MTOR: variants seen among roughly 807,000 people sequenced by gnomAD.
MTOR encodes the protein mechanistic target of rapamycin kinase.
MTOR carries 70 observed loss-of-function variants against 319.8 expected under a neutral mutation model. The ratio of observed to expected loss-of-function variants is 0.22; its 90% CI spans 0.18 to 0.27. The LOEUF is 0.27. Among genes scored for constraint, MTOR ranks in the 10% least tolerant of loss-of-function variants. MTOR has a pLI of 1.00. For missense variants in MTOR, 1,890 were observed against 3,274.4 expected (o/e 0.58, Z 10.32); for synonymous variants, 1,183 against 1,211.4 (o/e 0.98, Z 0.49).
chr1:11,134,256 A>G, intron 37 of MTOR, 95 bp downstream of exon 37: 1 of 1,042,736 alleles, frequency 9.6e-7, no homozygotes, highest in East Asian at 2.4e-5. Context: ...GTCAGCAATC[A>G]GCCACCCAAG....
chr1:11,150,924 C>T (rs117893362), intron 30 of MTOR, among the ~76,000 whole-genome samples: 1,717 of 152,292 alleles, frequency 0.011, 67 homozygotes, highest in South Asian at 0.066. Context: ...AAAATAAACT[C>T]GGCTATTATG....
At chr1:11,213,671 T>C in intron 20 of MTOR, 105 bp from the exon 21 acceptor site, 1 of 1,099,758 alleles carries the variant, frequency 9.1e-7, no homozygotes, top group South Asian at 1.5e-5. Context: ...GTGAGCATGG[T>C]CTGCGCCGAG....
At position 11,258,002 on chromosome 1, in the gene MTOR, C is replaced by A. The variant is rs191040645; in HGVS notation, c.271+483G>T. On this transcript the variant is annotated intron_variant, in intron 3 of 57. Coordinates refer to ENST00000361445, the MANE Select transcript of MTOR (RefSeq NM_004958.4). Reference sequence around the variant, plus strand: ...GCAGGTGCCTGTAATCCCAGCTACTCGGGAGGCTGAGGCACGAGAATCGCT... The same window carrying A: ...GCAGGTGCCTGTAATCCCAGCTACTAGGGAGGCTGAGGCACGAGAATCGCT... 9.2e-3 allele frequency among the ~76,000 whole-genome samples: 1,389 copies of A among 150,674 alleles called. 31 individuals are homozygous for A. The highest frequency in any genetic ancestry group is 0.032 in the African/African-American group (1,322 of 41,034).
At chr1:11,248,225 C>T in intron 6 of MTOR, 131 bp from the exon 7 acceptor site, 1 of 952,382 alleles carries the variant, frequency 1.0e-6, no homozygotes, top group Non-Finnish European at 1.6e-6. Flanking sequence ...AGGGTGGCCA[C>T]TCTTCATGTT....
Position 11,257,845 on chromosome 1 carries a change from C to T in MTOR, c.271+640G>A, listed in dbSNP as rs962704598. 3.3e-5 allele frequency among the ~76,000 whole-genome samples: 5 copies of T among 152,246 alleles called. No individual in the cohort carries two copies. In the East Asian group the frequency reaches 9.7e-4, roughly 29 times the overall value. ...ACCTGCCTGGCCAGTTGTGGTGGCT[C>T]ACACCTGTAATCCCAGCACTCTGGG... On this transcript the variant is annotated intron_variant, in intron 3 of 57. Coordinates refer to ENST00000361445, the MANE Select transcript of MTOR (RefSeq NM_004958.4).
chr1:11,126,495 G>T, intron 46 of MTOR, 127 bp downstream of exon 46: 1 of 1,089,174 alleles, frequency 9.2e-7, no homozygotes, highest in Non-Finnish European at 1.3e-6. Flanking sequence ...CTCTCAATGA[G>T]CATGGGAGAG....
chr1:11,247,036 A>T (rs1033705615), intron 8 of MTOR, among the ~76,000 whole-genome samples: 1 of 152,192 alleles, frequency 6.6e-6, no homozygotes, highest in African/African-American at 2.4e-5. Flanking sequence ...TAGGTCAAAT[A>T]ATCTGTCCAA....
At position 11,199,473 on chromosome 1, in the gene MTOR, G is replaced by A. The variant is rs1645892636; in HGVS notation, c.4107+68C>T. 6.2e-7 allele frequency: 1 copy of A among 1,613,288 alleles called. No homozygotes were observed. The highest frequency in any genetic ancestry group is 1.1e-5 in the South Asian group (1 of 91,076). ...GGCACAAACAAGAGAAGGCTGTGTG[G>A]ATGCTTCTCTCCTCCCACCAGCTGG... On this transcript the variant is annotated intron_variant, in intron 27 of 57. Coordinates refer to ENST00000361445, the MANE Select transcript of MTOR (RefSeq NM_004958.4). This position sits in a 1 kb window ranked among gnomAD's most constrained non-coding sequence, Gnocchi z 4.5.
chr1:11,131,948 TCA>T (rs1643182781), intron 38 of MTOR: 1 of 152,248 alleles, frequency 6.6e-6, no homozygotes, highest in Non-Finnish European at 1.5e-5. Flanking sequence ...GACCCAGGTT[TCA>T]GTTTTCCCAT....
chr1:11,220,886 G>A (rs947389227), intron 19 of MTOR, among the ~76,000 whole-genome samples: 2 of 152,054 alleles, frequency 1.3e-5, no homozygotes, highest in Non-Finnish European at 2.9e-5. Context: ...AAGGAAGGAA[G>A]AAAACGAGGT....
In MTOR at chr1:11,253,888, G is replaced by C. The variant is rs1008735152; in HGVS notation, c.791C>G (p.Ala264Gly). The change falls in exon 6 of 58, where the codon GCC (alanine) becomes GGC (glycine). Residue 264 changes from alanine to glycine, a missense_variant. Physicochemically the swap from Ala to Gly is moderately conservative, Grantham distance 60. This residue lies in a region of MTOR where 418 missense variants were observed against 543.1 expected (regional missense o/e 0.77). Coordinates refer to ENST00000361445, the MANE Select transcript of MTOR (RefSeq NM_004958.4). The part of the protein sequence containing the change: ...GMNRDDRIHG[A>G]LLILNELVRI... Reference sequence around the variant, plus strand: ...GACCAGCTCGTTAAGGATCAACAAGGCTCCATGGATCCGATCATCCCGATT... The same window carrying C: ...GACCAGCTCGTTAAGGATCAACAAGCCTCCATGGATCCGATCATCCCGATT... 1 of 1,613,916 alleles carries C rather than the reference G, an allele frequency of 6.2e-7. No individual in the cohort carries two copies. Among genetic ancestry groups the C allele is most frequent in the African/African-American group, 1.3e-5 (1 of 74,876 alleles).
intron 26 of MTOR, among the ~76,000 whole-genome samples, chr1:11,203,368 C>T (rs61047802): frequency 0.059 from 9,011 of 152,156 alleles, 377 homozygotes; most frequent in South Asian, 0.12. Context: ...AATATATGTA[C>T]ATCTATTATG....
intron 6 of MTOR, among the ~76,000 whole-genome samples, chr1:11,252,529 A>G (rs1474278623): frequency 6.6e-6 from 1 of 152,160 alleles, no homozygotes; most frequent in African/African-American, 2.4e-5. Context: ...CAAGAGCCCA[A>G]TGAGGTAGGT....
chr1:11,251,949 C>T (rs1248507765), intron 6 of MTOR, among the ~76,000 whole-genome samples: 2 of 152,104 alleles, frequency 1.3e-5, no homozygotes, highest in Non-Finnish European at 1.5e-5. Context: ...TTATGTTAAA[C>T]TCAGGAGGTA....
At chr1:11,262,052 C>T (rs752388713) in intron 1 of MTOR, among the ~76,000 whole-genome samples, 6 of 152,162 alleles carry the variant, frequency 3.9e-5, no homozygotes, top group Admixed American at 6.5e-5. Context: ...GGGACTGGAT[C>T]TCTGAGAGGT....
chr1:11,118,513 G>A (rs910938748), intron 49 of MTOR, among the ~76,000 whole-genome samples: 5 of 151,254 alleles, frequency 3.3e-5, no homozygotes, highest in African/African-American at 1.2e-4. Context: ...GGGATTACAG[G>A]CGTGAACCAC....
chr1:11,185,682 T>G (rs941119555), intron 28 of MTOR, among the ~76,000 whole-genome samples: 9 of 152,174 alleles, frequency 5.9e-5, no homozygotes, highest in Middle Eastern at 3.4e-3. Context: ...CAGGACACAT[T>G]CTTTGATAGA....
chr1:11,130,831 C>A (rs1643112381), intron 38 of MTOR, 54 bp from the exon 39 acceptor site: 1 of 1,531,224 alleles, frequency 6.5e-7, no homozygotes. Context: ...AACAGCAGGG[C>A]TCAGAGGAGC....
Position 11,195,142 on chromosome 1 carries a change from C to T in MTOR, c.4253+4116G>A, listed in dbSNP as rs542227496. The T allele has an allele frequency of 1.3e-4, 147 of 1,105,832 alleles. 1 individual carries two copies. In the South Asian group the frequency reaches 2.3e-3, roughly 17 times the overall value. The allele number at this position is 1,105,832 out of a possible 1,614,324, so 68.5% of individuals were successfully genotyped here. The stretch of plus-strand genomic sequence containing the variant: ...AGGACTGAGAAACAGCCTATAATCT[C>T]CAAAGAAAGAATAAGTCTCCAAGGA... On this transcript the variant is annotated intron_variant, in intron 28 of 57. Transcript: ENST00000361445.
Sources: allele counts gnomAD v4.1 joint callset (sites outside exome capture counted in the v4.1 genomes callset), GRCh38; gene constraint gnomAD v4.1.1; regional missense constraint gnomAD v4.1.1; non-coding constraint Gnocchi (gnomAD v3.1); transcripts MANE v1.5; gene names NCBI Gene and HGNC (gene_info 2026-07-23, HGNC 2026-07-21).